The following ADAM12 variants were observed in gnomAD, a reference collection of about 807,000 sequenced individuals.
ADAM12 encodes the protein disintegrin and metalloproteinase domain-containing protein 12.
Under a neutral mutation model 106.4 loss-of-function variants are expected in ADAM12, and 70 were observed. The ratio of observed to expected loss-of-function variants is 0.66; its 90% CI spans 0.54 to 0.80. The LOEUF (loss-of-function observed/expected upper bound fraction) is 0.80, where lower values mean the gene tolerates loss of function less well. ADAM12 is among the 30% of genes least tolerant of loss of function. The pLI, the probability that ADAM12 is intolerant of heterozygous loss-of-function variation, is 0.00. For missense variants in ADAM12, 1,010 were observed against 1,171.9 expected (o/e 0.86, Z 2.02); for synonymous variants, 420 against 433.5 (o/e 0.97, Z 0.39).
chr10:126,176,115 T>C (rs1957215768), intron 3 of ADAM12, among the ~76,000 whole-genome samples: 1 of 152,080 alleles, frequency 6.6e-6, no homozygotes, highest in Admixed American at 6.5e-5. Context: ...ACCAGGAGGC[T>C]AATAAAACAA....
intron 4 of ADAM12, among the ~76,000 whole-genome samples, chr10:126,146,478 T>G (rs1345714643): frequency 6.6e-6 from 1 of 152,164 alleles, no homozygotes; most frequent in African/African-American, 2.4e-5. Context: ...GCTACAAGTC[T>G]GCCTTTTTCA....
rs200391548 is a variant in ADAM12, at chr10:126,064,795, C to T, written c.1609+11G>A. 49 of 1,592,036 alleles carry T rather than the reference C, an allele frequency of 3.1e-5. No homozygotes were observed. The highest frequency in any genetic ancestry group is 1.9e-4 in the Middle Eastern group (1 of 5,192). On this transcript the variant is annotated intron_variant, in intron 14 of 22. Coordinates refer to ENST00000448723, the MANE Select transcript of ADAM12 (RefSeq NM_001288973.2). The surrounding 1 kb of genome is among the most constrained non-coding windows in gnomAD (Gnocchi z 4.4). ...GCCTCTCCTGATGCCGAGCTTGTGGCGGCCACGTACCTGGTCCCCAGAGCG... is the reference window on the plus strand; with the variant it reads ...GCCTCTCCTGATGCCGAGCTTGTGGTGGCCACGTACCTGGTCCCCAGAGCG...
intron 11 of ADAM12, among the ~76,000 whole-genome samples, chr10:126,083,401 G>A (rs1055151346): frequency 2.6e-5 from 4 of 152,208 alleles, no homozygotes; most frequent in Admixed American, 2.0e-4. Flanking sequence ...CCCCAGGGCA[G>A]GGCCTCTGGG....
At chr10:126,170,312 G>A (rs1368447062) in intron 3 of ADAM12, among the ~76,000 whole-genome samples, 2 of 152,098 alleles carry the variant, frequency 1.3e-5, no homozygotes, top group Non-Finnish European at 2.9e-5. Flanking sequence ...CCGGGGCGGC[G>A]AAGAGGACCT....
intron 1 of ADAM12, among the ~76,000 whole-genome samples, chr10:126,357,951 C>T (rs1339887177): frequency 1.3e-5 from 2 of 152,128 alleles, no homozygotes; most frequent in Non-Finnish European, 2.9e-5. Context: ...CCAAACTTTT[C>T]CAAAAATTGA....
Position 126,135,628 on chromosome 10 carries a change from T to C in ADAM12, c.372A>G (p.Gly124=). The change falls in exon 5 of 23, where the codon GGA becomes GGG. Residue 124 remains glycine (G), a synonymous_variant. Coordinates refer to ENST00000448723, the MANE Select transcript of ADAM12 (RefSeq NM_001288973.2). ...TGAGACTGACTGCTGAATCAGAATA[T>C]CCCCGTACATGTCCATGGTAGTAAC... ...GHCYYHGHVR[G]YSDSAVSLST... is the part of the protein sequence containing the mutation. 2.5e-6 allele frequency: 4 copies of C among 1,614,122 alleles called. No homozygotes were observed. Among genetic ancestry groups the C allele is most frequent in the Non-Finnish European group, 3.4e-6 (4 of 1,180,014 alleles).
In ADAM12 at chr10:126,371,270, C is replaced by A. The variant is rs555434993; in HGVS notation, c.88+16788G>T. On this transcript the variant is annotated intron_variant, in intron 1 of 22. Coordinates refer to ENST00000448723, the MANE Select transcript of ADAM12 (RefSeq NM_001288973.2). ...CTTTATGGAATTCCTCAATTCTATC[C>A]TATGAAGAAAGAGCAATTACCACTC... 5.9e-5 allele frequency among the ~76,000 whole-genome samples: 9 copies of A among 152,330 alleles called. No individual in the cohort carries two copies. In the South Asian group the frequency reaches 6.2e-4, roughly 11 times the overall value.
At chr10:126,077,918 A>G (rs1309523742) in intron 11 of ADAM12, among the ~76,000 whole-genome samples, 1 of 152,216 alleles carries the variant, frequency 6.6e-6, no homozygotes, top group Non-Finnish European at 1.5e-5. Flanking sequence ...AGAACTAAGT[A>G]TGGAAAACTT....
chr10:126,367,615 G>A (rs1855957847), intron 1 of ADAM12, among the ~76,000 whole-genome samples: 1 of 151,762 alleles, frequency 6.6e-6, no homozygotes, highest in Admixed American at 6.6e-5. Context: ...TTGGTTGTTT[G>A]CAAATATTGA....
chr10:126,208,741 C>G (rs1957843284), intron 3 of ADAM12, among the ~76,000 whole-genome samples: 1 of 152,056 alleles, frequency 6.6e-6, no homozygotes, highest in African/African-American at 2.4e-5. Flanking sequence ...TTAAAATGAT[C>G]ATTTGACACT....
chr10:126,244,908 G>A (rs1367990463), intron 3 of ADAM12, among the ~76,000 whole-genome samples: 1 of 152,190 alleles, frequency 6.6e-6, no homozygotes, highest in Non-Finnish European at 1.5e-5. Context: ...CCAAGCAAAG[G>A]AGAAAATGGC....
intron 1 of ADAM12, among the ~76,000 whole-genome samples, chr10:126,368,365 T>G (rs567105171): frequency 2.6e-5 from 4 of 151,270 alleles, no homozygotes; most frequent in South Asian, 4.2e-4. Context: ...TGTTTTTTTT[T>G]TTTTTTTTTT....
At chr10:126,210,041 G>C (rs1374335967) in intron 3 of ADAM12, among the ~76,000 whole-genome samples, 1 of 152,192 alleles carries the variant, frequency 6.6e-6, no homozygotes, top group East Asian at 1.9e-4. Flanking sequence ...TAACTCTCAG[G>C]CTTGGTTTTT....
Position 126,388,111 on chromosome 10 carries a change from C to T in ADAM12, c.35G>A (p.Arg12His), listed in dbSNP as rs1856741733. The T allele has an allele frequency of 8.1e-7, 1 of 1,227,280 alleles. No homozygotes were observed. 76.0% of individuals were successfully genotyped at this position (1,227,280 alleles called of 1,614,324 possible). ...ACCGGCCAGGGCGAGCAGGAGGGCGCGGGCGGGGGACACGGGCAGCGGGCG... is the reference window on the plus strand; with the variant it reads ...ACCGGCCAGGGCGAGCAGGAGGGCGTGGGCGGGGGACACGGGCAGCGGGCG... ...AARPLPVSPA[R>H]ALLLALAGAL... Residue 12 changes from arginine (R) to histidine (H), a missense_variant, in exon 1 of 23, where the codon CGC (arginine) becomes CAC (histidine). Arg to His is a conservative substitution (Grantham distance 29). Transcript: ENST00000448723. This position sits in a 1 kb window ranked among gnomAD's most constrained non-coding sequence, Gnocchi z 4.4.
chr10:126,019,588 G>GGAAGCACGGCCTAGACCAC, intron 22 of ADAM12, 107 bp downstream of exon 22: 1 of 1,413,240 alleles, frequency 7.1e-7, no homozygotes. Context: ...AGGGGGAGCA[G>GGAAGCACGGCCTAGACCAC]GAAGCACGGC....
chr10:126,282,167 T>C (rs1252405131), intron 2 of ADAM12, among the ~76,000 whole-genome samples: 3 of 152,222 alleles, frequency 2.0e-5, no homozygotes, highest in Non-Finnish European at 2.9e-5. Flanking sequence ...GCCTTCTTAC[T>C]GTGTCCACAG....
intron 1 of ADAM12, among the ~76,000 whole-genome samples, chr10:126,352,855 A>G (rs1221836740): frequency 6.6e-6 from 1 of 152,220 alleles, no homozygotes; most frequent in Non-Finnish European, 1.5e-5. Flanking sequence ...TCAAGGTGGG[A>G]TATAAGAATG....
chr10:126,160,620 A>G (rs2133739764), intron 3 of ADAM12, among the ~76,000 whole-genome samples: 1 of 152,308 alleles, frequency 6.6e-6, no homozygotes, highest in East Asian at 1.9e-4. Context: ...CCCACCATGC[A>G]GGGCTTTGTG....
At chr10:126,089,483 T>C (rs920545127) in intron 11 of ADAM12, among the ~76,000 whole-genome samples, 9 of 152,172 alleles carry the variant, frequency 5.9e-5, no homozygotes, top group African/African-American at 1.7e-4. Context: ...CTCTTCTTTT[T>C]TGTACAGACA....
Sources: gnomAD v4.1 joint callset for allele counts (sites outside exome capture counted in the v4.1 genomes callset) on GRCh38, gnomAD v4.1.1 for gene constraint, Gnocchi (gnomAD v3.1) non-coding constraint, MANE v1.5 for transcripts, NCBI Gene and HGNC (gene_info 2026-07-23, HGNC 2026-07-21) for gene names.